The following CCNH variants were observed in gnomAD, a reference collection of about 807,000 sequenced individuals.
CCNH encodes the protein cyclin H.
CCNH carries 31 observed loss-of-function variants against 41.9 expected under a neutral mutation model. That is an observed-to-expected ratio of 0.74 (90% CI 0.56 to 1.00). The LOEUF (loss-of-function observed/expected upper bound fraction) is 1.00, where lower values mean the gene tolerates loss of function less well. Among genes scored for constraint, CCNH ranks in the 50% least tolerant of loss-of-function variants. CCNH has a pLI of 0.00. For synonymous variants in CCNH, 138 were observed against 136.1 expected, an observed-to-expected ratio of 1.01 and a Z score of -0.10; for missense variants, 362 against 388.4, an observed-to-expected ratio of 0.93 and a Z score of 0.57.
chr5:87,341,171 A>G (rs1311589113), intron 9 of CCNH: 1 of 542,736 alleles, frequency 1.8e-6, no homozygotes, highest in East Asian at 3.8e-5. Context: ...ATCTTTTTTT[A>G]TATAAACATA....
intron 9 of CCNH, among the ~76,000 whole-genome samples, chr5:87,319,605 C>T (rs1247370161): frequency 6.6e-6 from 1 of 152,160 alleles, no homozygotes; most frequent in Non-Finnish European, 1.5e-5. Flanking sequence ...GGCTGGGATG[C>T]GGGGCACCAA....
intron 9 of CCNH, chr5:87,353,037 T>G: frequency 1.4e-6 from 1 of 702,474 alleles, no homozygotes; most frequent in Non-Finnish European, 2.6e-6. Flanking sequence ...TGTATTTGTG[T>G]TATGTGCTTT....
At position 87,328,538 on chromosome 5, in the gene CCNH, G is replaced by A. The variant is rs117285085; in HGVS notation, c.*91-9641C>T. On this transcript the variant is annotated intron_variant and NMD_transcript_variant, in intron 9 of 9. Coordinates refer to the CCNH transcript ENST00000645953. ...TTTTAGACAAATAACCACTCCCAAA[G>A]TGTTCACTCTTGGGAAATGTTATAT... is the stretch of plus-strand genomic sequence containing the variant. Among the ~76,000 whole-genome samples, 74 of 152,194 alleles carry A rather than the reference G, an allele frequency of 4.9e-4. No homozygotes were observed. In the East Asian group the frequency reaches 0.013, roughly 27 times the overall value.
At chr5:87,331,017 T>TACTTAGAAAAATAAAAGA in intron 9 of CCNH, 1 of 1,364,746 alleles carries the variant, frequency 7.3e-7, no homozygotes, top group Non-Finnish European at 9.6e-7. Context: ...TGTCTATCTT[T>TACTTAGAAAAATAAAAGA]TATTTTTCTA....
intron 6 of CCNH, among the ~76,000 whole-genome samples, chr5:87,399,917 G>A (rs994696880): frequency 5.9e-5 from 9 of 152,146 alleles, no homozygotes; most frequent in Admixed American, 4.6e-4. Context: ...TATACTTCCT[G>A]TTTTCAAAGG....
chr5:87,390,968 A>C (rs1762471176), downstream of CCNH: 2 of 1,315,806 alleles, frequency 1.5e-6, no homozygotes, highest in Admixed American at 3.4e-5. Flanking sequence ...TGCTCTTGCC[A>C]AAAAATAGCA....
intron 6 of CCNH, among the ~76,000 whole-genome samples, chr5:87,400,904 A>AT (rs1763355712): frequency 6.6e-6 from 1 of 152,234 alleles, no homozygotes; most frequent in African/African-American, 2.4e-5. Flanking sequence ...TAAAGTAGAG[A>AT]TTCTACTCAA....
At chr5:87,318,075 T>C (rs924536098), downstream of CCNH, among the ~76,000 whole-genome samples, 4 of 152,120 alleles carry the variant, frequency 2.6e-5, no homozygotes, top group Non-Finnish European at 4.4e-5. Context: ...ACCATTAGGT[T>C]GAGATTCATT....
chr5:87,376,049 G>A (rs1489597576), downstream of CCNH, among the ~76,000 whole-genome samples: 1 of 152,072 alleles, frequency 6.6e-6, no homozygotes, highest in Non-Finnish European at 1.5e-5. Flanking sequence ...TCCACAGGCT[G>A]AATTAGATAT....
At chr5:87,386,757 T>A, downstream of CCNH, 2 of 1,393,628 alleles carry the variant, frequency 1.4e-6, 1 homozygote, top group South Asian at 2.3e-5. Flanking sequence ...TAATTACTTT[T>A]GCACCAACCT....
chr5:87,367,290 G>A (rs1006783724), intron 9 of CCNH, among the ~76,000 whole-genome samples: 2 of 151,934 alleles, frequency 1.3e-5, no homozygotes, highest in Non-Finnish European at 2.9e-5. Flanking sequence ...GGACAAAAGG[G>A]GAAATTATAA....
At chr5:87,379,197 G>A (rs1761534866), upstream of CCNH, among the ~76,000 whole-genome samples, 1 of 152,158 alleles carries the variant, frequency 6.6e-6, no homozygotes, top group Admixed American at 6.6e-5. Context: ...AACTTGAAGG[G>A]AAGAAATTAG....
chr5:87,362,488 T>C, intron 9 of CCNH: 1 of 1,508,210 alleles, frequency 6.6e-7, no homozygotes, highest in Non-Finnish European at 9.2e-7. Context: ...GGTACTTTTA[T>C]AGATTTTTAC....
chr5:87,328,064 G>T (rs1452806030), intron 9 of CCNH, among the ~76,000 whole-genome samples: 1 of 151,932 alleles, frequency 6.6e-6, no homozygotes, highest in Non-Finnish European at 1.5e-5. Context: ...TTAACTAGAT[G>T]ACTTATAAAG....
intron 9 of CCNH, among the ~76,000 whole-genome samples, chr5:87,321,051 C>T (rs146960043): frequency 6.6e-6 from 1 of 152,096 alleles, no homozygotes; most frequent in East Asian, 1.9e-4. Context: ...GAAGAAAGAG[C>T]CTATTAGGGA....
chr5:87,409,438 AT>A lies in CCNH; in HGVS notation c.241-76del, dbSNP rs1424642106. ...TGTTAAATTTTGTGAAACAGAACTT[AT>A]TTATGGAAAGGTTTCTTTGTAGAGA... On this transcript the variant is annotated intron_variant, in intron 2 of 8. Coordinates refer to ENST00000256897, the MANE Select transcript of CCNH (RefSeq NM_001239.4). 4.2e-5 allele frequency: 34 copies of A among 806,556 alleles called. No individual in the cohort carries two copies. The East Asian group carries it at 8.5e-4, about 20-fold the overall frequency. The allele number at this position is 806,556 out of a possible 1,614,324, so 50.0% of individuals were successfully genotyped here.
intron 9 of CCNH, among the ~76,000 whole-genome samples, chr5:87,361,824 A>G (rs1760117480): frequency 6.6e-6 from 1 of 152,080 alleles, no homozygotes; most frequent in African/African-American, 2.4e-5. Flanking sequence ...CCTAATATAA[A>G]TATGTTGCTT....
At chr5:87,330,023 A>G (rs180826424) in intron 9 of CCNH, among the ~76,000 whole-genome samples, 21 of 152,238 alleles carry the variant, frequency 1.4e-4, no homozygotes, top group Admixed American at 6.5e-4. Context: ...GGAATGCAGT[A>G]TTGATTGTTC....
intron 9 of CCNH, among the ~76,000 whole-genome samples, chr5:87,345,958 T>C (rs1580318495): frequency 6.6e-6 from 1 of 152,112 alleles, no homozygotes; most frequent in East Asian, 1.9e-4. Flanking sequence ...TGACTAGTAA[T>C]TACTTTTTAA....
Sources: allele counts gnomAD v4.1 joint callset (sites outside exome capture counted in the v4.1 genomes callset), GRCh38; gene constraint gnomAD v4.1.1; transcripts MANE v1.5; gene names NCBI Gene and HGNC (gene_info 2026-07-23, HGNC 2026-07-21).